Variants in PLD1 observed in about 807,000 individuals in gnomAD.
PLD1 encodes choline phosphatase 1.
PLD1 carries 112 observed loss-of-function variants against 137.1 expected under a neutral mutation model. That is an observed-to-expected ratio of 0.82 (90% confidence interval 0.70 to 0.96). The LOEUF is 0.96. Among genes scored for constraint, PLD1 ranks in the 40% least tolerant of loss-of-function variants. The pLI, the probability that PLD1 is intolerant of heterozygous loss-of-function variation, is 0.00. For synonymous variants in PLD1, 431 were observed against 454.7 expected (o/e 0.95, Z 0.66); for missense variants, 1,321 against 1,342.0 (o/e 0.98, Z 0.24).
intron 1 of PLD1, among the ~76,000 whole-genome samples, chr3:171,748,945 C>A (rs570951999): frequency 6.6e-6 from 1 of 151,366 alleles, no homozygotes; most frequent in Admixed American, 6.6e-5. Flanking sequence ...TCATGTCCCC[C>A]CTAAGCACAG....
At chr3:171,608,405 A>G (rs1386675246) in intron 25 of PLD1, among the ~76,000 whole-genome samples, 1 of 152,226 alleles carries the variant, frequency 6.6e-6, no homozygotes, top group Non-Finnish European at 1.5e-5. Flanking sequence ...AGAACTTGAG[A>G]GAACGTGAGT....
intron 1 of PLD1, among the ~76,000 whole-genome samples, chr3:171,769,783 A>AT (rs995672234): frequency 2.0e-5 from 3 of 151,960 alleles, no homozygotes; most frequent in Non-Finnish European, 1.5e-5. Context: ...TTCCCCCTCA[A>AT]TTTTTTTTAA....
chr3:171,801,715 C>G (rs910451438), intron 1 of PLD1, among the ~76,000 whole-genome samples: 2 of 152,236 alleles, frequency 1.3e-5, no homozygotes, highest in Non-Finnish European at 2.9e-5. Context: ...AGGCATGAGC[C>G]ACTGTGCCCA....
intron 11 of PLD1, among the ~76,000 whole-genome samples, chr3:171,707,961 C>T (rs73041839): frequency 0.029 from 4,357 of 152,298 alleles, 154 homozygotes; most frequent in African/African-American, 0.084. Flanking sequence ...GATATATTAA[C>T]AGTTCCTATA....
At chr3:171,644,340 G>A (rs1239004302) in intron 22 of PLD1, among the ~76,000 whole-genome samples, 1 of 152,052 alleles carries the variant, frequency 6.6e-6, no homozygotes, top group Admixed American at 6.5e-5. Flanking sequence ...AGCCTCAAGA[G>A]GAACCCAAGT....
At chr3:171,702,770 A>C (rs1716357847) in intron 11 of PLD1, among the ~76,000 whole-genome samples, 1 of 152,174 alleles carries the variant, frequency 6.6e-6, no homozygotes. Context: ...CATTTACAGA[A>C]TTTATTAAAT....
At chr3:171,646,371 C>T (rs907882497) in intron 21 of PLD1, among the ~76,000 whole-genome samples, 3 of 152,108 alleles carry the variant, frequency 2.0e-5, no homozygotes, top group African/African-American at 7.2e-5. Context: ...TATCAGTACT[C>T]TTTGGGGGAT....
At chr3:171,682,162 A>AAGAAAGAAAGAG (rs1210744785) in intron 16 of PLD1, among the ~76,000 whole-genome samples, 1 of 44,786 alleles carries the variant, frequency 2.2e-5, no homozygotes, top group Non-Finnish European at 4.5e-5. Context: ...GAAAGAAAGA[A>AAGAAAGAAAGAG]AGAAAAAGAA....
intron 19 of PLD1, among the ~76,000 whole-genome samples, chr3:171,668,771 A>C (rs1422470445): frequency 1.3e-5 from 2 of 152,308 alleles, no homozygotes; most frequent in East Asian, 3.9e-4. Context: ...TGTTGACCCC[A>C]TGTTGATGCT....
At chr3:171,735,931 A>G (rs1719326202) in intron 3 of PLD1, among the ~76,000 whole-genome samples, 1 of 152,182 alleles carries the variant, frequency 6.6e-6, no homozygotes, top group East Asian at 1.9e-4. Context: ...ACACACCTGA[A>G]ATGAAGAACT....
At chr3:171,725,497 T>TA (rs1218275006) in intron 7 of PLD1, among the ~76,000 whole-genome samples, 4 of 152,172 alleles carry the variant, frequency 2.6e-5, no homozygotes, top group African/African-American at 4.8e-5. Context: ...GGCTAAACTT[T>TA]AAAAAAAACT....
rs576459133 is a variant in PLD1 at position 171,626,607 on chromosome 3, G to A, written c.2594-6087C>T. On this transcript the variant is annotated intron_variant, in intron 23 of 26. Coordinates refer to ENST00000351298, the MANE Select transcript of PLD1 (RefSeq NM_002662.5). ...ATGTTAAGGGCAGCCAGAGAGAAAG[G>A]TCGGGTTACCCACAAAGGGAAGCCC... 8.6e-4 allele frequency among the ~76,000 whole-genome samples: 131 copies of A among 152,136 alleles called. 1 individual carries two copies. Among genetic ancestry groups the A allele is most frequent in the African/African-American group, 3.0e-3 (123 of 41,404 alleles).
At chr3:171,717,010 G>C (rs1717732461) in intron 8 of PLD1, among the ~76,000 whole-genome samples, 1 of 152,132 alleles carries the variant, frequency 6.6e-6, no homozygotes, top group African/African-American at 2.4e-5. Flanking sequence ...AAGATCAGAT[G>C]GTTGTAGGTG....
intron 16 of PLD1, among the ~76,000 whole-genome samples, chr3:171,685,795 C>A (rs970723703): frequency 6.6e-6 from 1 of 152,122 alleles, no homozygotes; most frequent in Non-Finnish European, 1.5e-5. Context: ...AAAATTCACA[C>A]AGCATGACAC....
intron 16 of PLD1, among the ~76,000 whole-genome samples, chr3:171,681,326 C>A (rs942961197): frequency 4.6e-5 from 7 of 152,136 alleles, no homozygotes; most frequent in Admixed American, 4.6e-4. Flanking sequence ...TATTGTATTA[C>A]CTTTCTAAAA....
chr3:171,805,102 G>A (rs1455519303), intron 1 of PLD1, among the ~76,000 whole-genome samples: 2 of 152,106 alleles, frequency 1.3e-5, no homozygotes, highest in Non-Finnish European at 2.9e-5. Context: ...GGCCTCAGAA[G>A]TCTCTCTCTC....
At chr3:171,708,327 G>C (rs1236149825) in intron 11 of PLD1, among the ~76,000 whole-genome samples, 1 of 152,100 alleles carries the variant, frequency 6.6e-6, no homozygotes, top group Non-Finnish European at 1.5e-5. Flanking sequence ...TCATTACAGA[G>C]GATATTTTTA....
chr3:171,613,212 C>T (rs1732817850), intron 24 of PLD1, among the ~76,000 whole-genome samples: 1 of 152,166 alleles, frequency 6.6e-6, no homozygotes, highest in Admixed American at 6.5e-5. Flanking sequence ...AAGAAAGATT[C>T]TGGGTCTTTA....
intron 19 of PLD1, 149 bp from the exon 20 acceptor site, chr3:171,662,319 G>A (rs775224078): frequency 7.2e-6 from 4 of 557,032 alleles, no homozygotes; most frequent in Non-Finnish European, 1.3e-5. Context: ...AGAGTAGTGG[G>A]GTGGGGAATG....
Sources: gnomAD v4.1 joint callset for allele counts (sites outside exome capture counted in the v4.1 genomes callset) on GRCh38, gnomAD v4.1.1 for gene constraint, MANE v1.5 for transcripts, NCBI Gene and HGNC (gene_info 2026-07-23, HGNC 2026-07-21) for gene names.